The following M1AP variants were observed in gnomAD, a reference collection of about 807,000 sequenced individuals.
M1AP encodes the protein meiosis 1 associated protein, also known as meiosis 1 arrest protein.
M1AP carries 39 observed loss-of-function variants against 51.2 expected under a neutral mutation model. That is an observed-to-expected ratio of 0.76 (90% confidence interval 0.59 to 1.00). The LOEUF (loss-of-function observed/expected upper bound fraction) is 1.00. Ranked by LOEUF, M1AP falls within the 50% of genes least tolerant of loss-of-function variation. The probability of loss-of-function intolerance (pLI) is 0.00; values close to 1 mark genes in which losing one functional copy is unlikely to be tolerated. For missense variants in M1AP, 545 were observed against 641.2 expected, an observed-to-expected ratio of 0.85 and a Z score of 1.62; for synonymous variants, 251 against 249.2, an observed-to-expected ratio of 1.01 and a Z score of -0.07.
intron 7 of M1AP, among the ~76,000 whole-genome samples, chr2:74,565,910 C>T (rs1232315196): frequency 1.3e-5 from 2 of 151,472 alleles, no homozygotes; most frequent in Non-Finnish European, 2.9e-5. Flanking sequence ...TAAAAATGCT[C>T]AGTAAACTAG....
chr2:74,623,517 AAG>A (rs923383287), intron 2 of M1AP, among the ~76,000 whole-genome samples: 36 of 149,048 alleles, frequency 2.4e-4, no homozygotes, highest in South Asian at 6.4e-4. Flanking sequence ...AAAAAAAAAA[AAG>A]AGAGAGAGAG....
intron 3 of M1AP, among the ~76,000 whole-genome samples, chr2:74,612,852 T>A (rs1351704698): frequency 1.3e-5 from 2 of 152,190 alleles, no homozygotes; most frequent in Non-Finnish European, 2.9e-5. Context: ...TTCTCAGTCA[T>A]TATTATTCAA....
intron 4 of M1AP, among the ~76,000 whole-genome samples, chr2:74,587,165 A>G (rs913348095): frequency 4.0e-5 from 6 of 151,418 alleles, no homozygotes; most frequent in African/African-American, 1.5e-4. Context: ...CACAAAATGA[A>G]CTCTTTTAGG....
At chr2:74,573,727 A>C (rs754430132) in intron 7 of M1AP, among the ~76,000 whole-genome samples, 9 of 152,196 alleles carry the variant, frequency 5.9e-5, no homozygotes, top group Non-Finnish European at 1.2e-4. Flanking sequence ...AATAACACCG[A>C]GATGAACATG....
intron 7 of M1AP, among the ~76,000 whole-genome samples, chr2:74,571,313 C>T (rs1308506163): frequency 1.3e-5 from 2 of 152,088 alleles, no homozygotes; most frequent in African/African-American, 4.8e-5. Context: ...AGGTTTCAAG[C>T]CTGGGTGACT....
chr2:74,639,839 TG>T (rs370842109), intron 2 of M1AP, among the ~76,000 whole-genome samples, 196 bp downstream of exon 2: 1 of 152,236 alleles, frequency 6.6e-6, no homozygotes, highest in African/African-American at 2.4e-5. Flanking sequence ...TTAATAATTT[TG>T]GATTTTCTCT....
chr2:74,590,702 C>T (rs1446399907), intron 4 of M1AP, among the ~76,000 whole-genome samples: 1 of 152,116 alleles, frequency 6.6e-6, no homozygotes, highest in Non-Finnish European at 1.5e-5. Flanking sequence ...CCTCTGGAGC[C>T]ACGGAAGTGT....
At chr2:74,577,690 C>G (rs925720239) in intron 5 of M1AP, among the ~76,000 whole-genome samples, 1 of 152,146 alleles carries the variant, frequency 6.6e-6, no homozygotes, top group African/African-American at 2.4e-5. Flanking sequence ...CTGGGTGAGA[C>G]GGCCCTCAGC....
chr2:74,598,771 C>A (rs1017752203), intron 4 of M1AP, among the ~76,000 whole-genome samples: 4 of 151,708 alleles, frequency 2.6e-5, no homozygotes, highest in South Asian at 2.1e-4. Flanking sequence ...CAGGTGCATG[C>A]CACCATGCCT....
intron 1 of M1AP, among the ~76,000 whole-genome samples, chr2:74,644,376 A>T (rs2104859852): frequency 6.6e-6 from 1 of 152,234 alleles, no homozygotes; most frequent in Non-Finnish European, 1.5e-5. Flanking sequence ...CATCTCTACT[A>T]AAAATACAAA....
In M1AP at chr2:74,640,308, C is replaced by A. The variant is rs745955481; in HGVS notation, c.-33G>T. On this transcript the variant is annotated 5_prime_UTR_variant, in exon 2 of 11. Transcript: ENST00000421985. The stretch of plus-strand genomic sequence containing the variant: ...AAACCAGAGGGGGAACTGTAGCCAC[C>A]AGCTGGATATTCTTTACACCTATAG... 2 of 1,612,056 alleles carry A rather than the reference C, an allele frequency of 1.2e-6. No homozygotes were observed. The highest frequency in any genetic ancestry group is 2.7e-5 in the African/African-American group (2 of 74,952).
chr2:74,593,050 T>C (rs905629454), intron 4 of M1AP, among the ~76,000 whole-genome samples: 19 of 152,186 alleles, frequency 1.2e-4, no homozygotes, highest in African/African-American at 4.3e-4. Context: ...AGTGGCCAGA[T>C]TGTCCCCAGA....
intron 2 of M1AP, chr2:74,628,611 G>A (rs1050268313): frequency 1.1e-5 from 7 of 639,760 alleles, no homozygotes; most frequent in Admixed American, 2.1e-5. Flanking sequence ...TTGAGAGGAA[G>A]ACTTTCTAGA....
intron 4 of M1AP, among the ~76,000 whole-genome samples, chr2:74,605,131 T>C (rs1053833989): frequency 6.6e-5 from 10 of 152,188 alleles, no homozygotes; most frequent in African/African-American, 2.4e-4. Flanking sequence ...TTATTTACTA[T>C]TGGTGGAAGT....
intron 2 of M1AP, among the ~76,000 whole-genome samples, chr2:74,620,097 T>G (rs1242676981): frequency 1.3e-5 from 2 of 152,232 alleles, no homozygotes; most frequent in African/African-American, 4.8e-5. Context: ...CACTTCCTTG[T>G]TCAGTTAAGT....
chr2:74,588,019 G>A (rs1679816159), intron 4 of M1AP, among the ~76,000 whole-genome samples: 1 of 152,204 alleles, frequency 6.6e-6, no homozygotes. Flanking sequence ...TACAATGTCT[G>A]TATTTCTCTC....
intron 3 of M1AP, among the ~76,000 whole-genome samples, chr2:74,613,149 C>T: frequency 6.6e-6 from 1 of 152,032 alleles, no homozygotes; most frequent in East Asian, 1.9e-4. Context: ...CTTAGGATTT[C>T]CATCTTTCTG....
At chr2:74,647,174 T>C (rs1683659064) in intron 1 of M1AP, 1 of 967,254 alleles carries the variant, frequency 1.0e-6, no homozygotes, top group South Asian at 4.8e-5. Flanking sequence ...GGAAACAGAA[T>C]CCAATATCTT....
chr2:74,566,732 G>T (rs1678418727), intron 7 of M1AP, among the ~76,000 whole-genome samples: 1 of 144,870 alleles, frequency 6.9e-6, no homozygotes, highest in Non-Finnish European at 1.5e-5. Context: ...TCTCAGCTTG[G>T]ATTCTTGGTC....
Sources: gnomAD v4.1 joint callset for allele counts (sites outside exome capture counted in the v4.1 genomes callset) on GRCh38, gnomAD v4.1.1 for gene constraint, MANE v1.5 for transcripts, NCBI Gene and HGNC (gene_info 2026-07-23, HGNC 2026-07-21) for gene names.